DCP1B: variants seen among roughly 807,000 people sequenced by gnomAD.
DCP1B encodes decapping mRNA 1B.
In DCP1B, 47 loss-of-function variants were observed where a neutral mutation model predicts 60.5. The observed-to-expected ratio is 0.78, with a 90% CI of 0.61 to 0.99. DCP1B has a LOEUF of 0.99. Among genes scored for constraint, DCP1B ranks in the 50% least tolerant of loss-of-function variants. The pLI is 0.00. For missense variants in DCP1B, 725 were observed against 756.8 expected, an observed-to-expected ratio of 0.96 and a Z score of 0.49; for synonymous variants, 267 against 280.3, an observed-to-expected ratio of 0.95 and a Z score of 0.47.
At chr12:1,959,913 T>C (rs962185385) in intron 5 of DCP1B, among the ~76,000 whole-genome samples, 5 of 150,862 alleles carry the variant, frequency 3.3e-5, no homozygotes, top group African/African-American at 1.2e-4. Context: ...TGAGCCAAGA[T>C]TGCTCCACTG....
chr12:1,993,245 T>G lies in DCP1B; in HGVS notation c.319+19A>C, dbSNP rs755502976. The G allele has an allele frequency of 2.5e-6, 4 of 1,613,954 alleles. No individual in the cohort carries two copies. Reference sequence around the variant, plus strand: ...AAACTTCAGAAGTAAAACAACCCACTGTAGTAAGAAAGACTCACATCTGGC... The same window carrying G: ...AAACTTCAGAAGTAAAACAACCCACGGTAGTAAGAAAGACTCACATCTGGC... On this transcript the variant is annotated intron_variant, in intron 3 of 8. Coordinates refer to ENST00000280665, the MANE Select transcript of DCP1B (RefSeq NM_152640.5).
At chr12:1,999,648 C>T (rs1235160004) in intron 1 of DCP1B, among the ~76,000 whole-genome samples, 1 of 152,080 alleles carries the variant, frequency 6.6e-6, no homozygotes, top group Non-Finnish European at 1.5e-5. Flanking sequence ...ATTGCTTCAG[C>T]CCAGGAGTTT....
chr12:1,971,136 A>T lies in DCP1B; in HGVS notation c.320-3226T>A, dbSNP rs1402296901. On this transcript the variant is annotated intron_variant, in intron 3 of 8. Coordinates refer to ENST00000280665, the MANE Select transcript of DCP1B (RefSeq NM_152640.5). The surrounding 1 kb of genome is among the most constrained non-coding windows in gnomAD (Gnocchi z 4.2). ...CCCAGCCACCTGTCTGCCAACACGG[A>T]GGTCAAGTTTAAGGGTACTTTGGTG... 7.8e-7 allele frequency: 1 copy of T among 1,289,386 alleles called. No homozygotes were observed. Among genetic ancestry groups the T allele is most frequent in the Admixed American group, 2.3e-5 (1 of 43,560 alleles). 79.9% of individuals were successfully genotyped at this position (1,289,386 alleles called of 1,614,324 possible).
chr12:1,993,526 G>A (rs1008256880), intron 2 of DCP1B, 135 bp from the exon 3 acceptor site: 29 of 1,040,072 alleles, frequency 2.8e-5, no homozygotes, highest in South Asian at 9.9e-5. Context: ...GCCTGTACAC[G>A]TACTTCTTCA....
At chr12:1,998,184 T>C (rs912959968) in intron 1 of DCP1B, among the ~76,000 whole-genome samples, 1 of 152,260 alleles carries the variant, frequency 6.6e-6, no homozygotes, top group Non-Finnish European at 1.5e-5. Context: ...AGTCTTTCTT[T>C]TGTCATTTAT....
intron 3 of DCP1B, among the ~76,000 whole-genome samples, chr12:1,989,083 G>C (rs539657472): frequency 6.6e-6 from 1 of 152,268 alleles, no homozygotes; most frequent in East Asian, 1.9e-4. Context: ...TGTTGGCCTA[G>C]CTCTGAAATA....
chr12:1,947,328 T>G (rs2030470219), intron 8 of DCP1B, among the ~76,000 whole-genome samples: 1 of 152,210 alleles, frequency 6.6e-6, no homozygotes, highest in South Asian at 2.1e-4. Context: ...CCCACACAGA[T>G]TTAGCATCAT....
intron 5 of DCP1B, among the ~76,000 whole-genome samples, chr12:1,960,994 T>C (rs952445666): frequency 6.6e-6 from 1 of 152,132 alleles, no homozygotes; most frequent in African/African-American, 2.4e-5. Flanking sequence ...GACAACACAA[T>C]GTAAGAAGGC....
chr12:1,982,315 T>A (rs1315417543), intron 3 of DCP1B, among the ~76,000 whole-genome samples: 5 of 152,102 alleles, frequency 3.3e-5, no homozygotes, highest in Non-Finnish European at 7.4e-5. Context: ...CCGCTATCCA[T>A]CTCCAGAACT....
intron 8 of DCP1B, among the ~76,000 whole-genome samples, chr12:1,947,877 G>A (rs1426827066): frequency 6.6e-6 from 1 of 152,136 alleles, no homozygotes; most frequent in African/African-American, 2.4e-5. Flanking sequence ...TGCTCAGGCT[G>A]GTCTTGAACT....
chr12:1,961,686 G>A, intron 5 of DCP1B, among the ~76,000 whole-genome samples: 1 of 152,148 alleles, frequency 6.6e-6, no homozygotes, highest in East Asian at 1.9e-4. Context: ...AGTTCACATG[G>A]AAGAATAATT....
chr12:1,958,849 C>T lies in DCP1B; in HGVS notation c.523-3289G>A, dbSNP rs573034332. 4.6e-4 allele frequency among the ~76,000 whole-genome samples: 28 copies of T among 60,366 alleles called. 4 individuals carry two copies. Among genetic ancestry groups the T allele is most frequent in the Non-Finnish European group, 6.3e-4 (21 of 33,242 alleles). 39.6% of individuals were successfully genotyped at this position (60,366 alleles called of 152,430 possible). ...AAACAGGGGAAAAGCTCCCCAACGTCGCTTTGGGCAATGACTTTTTCTATA... is the reference window on the plus strand; with the variant it reads ...AAACAGGGGAAAAGCTCCCCAACGTTGCTTTGGGCAATGACTTTTTCTATA... On this transcript the variant is annotated intron_variant, in intron 5 of 8. Coordinates refer to ENST00000280665, the MANE Select transcript of DCP1B (RefSeq NM_152640.5).
chr12:1,942,877 A>C (rs2030314533), downstream of DCP1B, among the ~76,000 whole-genome samples: 1 of 152,230 alleles, frequency 6.6e-6, no homozygotes. Flanking sequence ...TAACATCACA[A>C]TTAAAAGAAC....
At chr12:1,961,145 A>G (rs1407522351) in intron 5 of DCP1B, among the ~76,000 whole-genome samples, 1 of 152,230 alleles carries the variant, frequency 6.6e-6, no homozygotes, top group East Asian at 1.9e-4. Context: ...TGATGGGTGA[A>G]GAAGGGGTGG....
chr12:1,993,345 T>G lies in DCP1B; in HGVS notation c.238A>C (p.Met80Leu), dbSNP rs761516067. 1.2e-6 allele frequency: 2 copies of G among 1,614,104 alleles called. No individual in the cohort carries two copies. The highest frequency in any genetic ancestry group is 1.6e-4 in the Middle Eastern group (1 of 6,062). ...HGFTIMNRLS[M>L]ENRTEPITKD... ...GTAATAGGTTCTGTCCTATTTTCCA[T>G]GCTCAGCCTATTCATAATGGTGAAT... Residue 80 changes from methionine to leucine, a missense_variant, in exon 3 of 9, where the codon ATG becomes CTG. Physicochemically the swap from Met to Leu is conservative, Grantham distance 15. Coordinates refer to ENST00000280665, the MANE Select transcript of DCP1B (RefSeq NM_152640.5).
chr12:1,963,049 G>A (rs2031178487), intron 5 of DCP1B, among the ~76,000 whole-genome samples: 1 of 152,126 alleles, frequency 6.6e-6, no homozygotes, highest in Non-Finnish European at 1.5e-5. Flanking sequence ...AAACTAAAAA[G>A]TTAGAGCTCA....
chr12:1,965,424 A>G (rs535844493), intron 5 of DCP1B, 134 bp downstream of exon 5: 1 of 1,147,666 alleles, frequency 8.7e-7, no homozygotes, highest in Admixed American at 3.8e-5. Context: ...TATTACAAAT[A>G]AAGATTTTTT....
In DCP1B at chr12:1,952,895, C is replaced by T. The variant is rs141148398; in HGVS notation, c.1045G>A (p.Ala349Thr). ...NIGTSRGVQN[A>T]SRTQNLFEKL... ...TCGAACAGGTTCTGAGTTCTGGAAG[C>T]ATTTTGTACACCACGAGAAGTTCCA... is the stretch of plus-strand genomic sequence containing the variant. The change falls in exon 7 of 9, where the codon GCT becomes ACT. Residue 349 changes from alanine (A) to threonine (T), a missense_variant. Transcript: ENST00000280665. 211 of 1,614,192 alleles carry T rather than the reference C, an allele frequency of 1.3e-4. No homozygotes were observed. The African/African-American group carries it at 2.6e-3, about 20-fold the overall frequency.
chr12:1,986,016 T>C (rs2037622161), intron 3 of DCP1B, among the ~76,000 whole-genome samples: 1 of 152,198 alleles, frequency 6.6e-6, no homozygotes, highest in Non-Finnish European at 1.5e-5. Context: ...AGTTTCACCG[T>C]GTTAGCCAGG....
Sources: gnomAD v4.1 joint callset for allele counts (sites outside exome capture counted in the v4.1 genomes callset) on GRCh38, gnomAD v4.1.1 for gene constraint, Gnocchi (gnomAD v3.1) non-coding constraint, MANE v1.5 for transcripts, NCBI Gene and HGNC (gene_info 2026-07-23, HGNC 2026-07-21) for gene names.